Variants in NPAS2 observed in about 807,000 individuals in gnomAD.
The protein encoded by NPAS2 is neuronal PAS domain protein 2, also known as neuronal PAS domain-containing protein 2.
In NPAS2, 23 loss-of-function variants were observed where a neutral mutation model predicts 107.5. The ratio of observed to expected loss-of-function variants is 0.21; its 90% CI spans 0.15 to 0.30. NPAS2 has a LOEUF of 0.30. NPAS2 is among the 10% of genes least tolerant of loss of function. The pLI is 1.00. For synonymous variants in NPAS2, 403 were observed against 417.5 expected, an observed-to-expected ratio of 0.97 and a Z score of 0.42; for missense variants, 756 against 1,043.3, an observed-to-expected ratio of 0.72 and a Z score of 3.79.
chr2:100,924,242 T>A (rs1344390720), intron 2 of NPAS2, among the ~76,000 whole-genome samples: 1 of 152,180 alleles, frequency 6.6e-6, no homozygotes, highest in Non-Finnish European at 1.5e-5. Flanking sequence ...AAGCTTACAC[T>A]GATACATTGT....
chr2:100,904,813 G>A (rs1235102747), intron 2 of NPAS2, 27 bp downstream of exon 2: 2 of 1,571,594 alleles, frequency 1.3e-6, no homozygotes. Flanking sequence ...CCCCTGCTCA[G>A]CAGAGCTCTC....
Position 100,968,482 on chromosome 2 carries a change from G to A in NPAS2, c.1055+54G>A. On this transcript the variant is annotated intron_variant, in intron 11 of 20. Transcript: ENST00000335681. This position sits in a 1 kb window ranked among gnomAD's most constrained non-coding sequence, Gnocchi z 5.3. ...CGTCCTTGTCGCACCTGGGGGAGGG[G>A]TGCAGGATGGCGTGGCCCCTGATGG... is the stretch of plus-strand genomic sequence containing the variant. 1 of 1,580,074 alleles carries A rather than the reference G, an allele frequency of 6.3e-7. No individual in the cohort carries two copies. Among genetic ancestry groups the A allele is most frequent in the Non-Finnish European group, 8.6e-7 (1 of 1,157,588 alleles).
intron 14 of NPAS2, chr2:100,975,818 A>T: frequency 4.9e-6 from 2 of 405,672 alleles, no homozygotes; most frequent in Non-Finnish European, 8.8e-6. Context: ...GATTAAAGGC[A>T]AAACTGCAAA....
intron 1 of NPAS2, among the ~76,000 whole-genome samples, chr2:100,837,492 T>C (rs1434806369): frequency 2.0e-5 from 3 of 152,128 alleles, no homozygotes; most frequent in Non-Finnish European, 2.9e-5. Context: ...TTTGTATTTT[T>C]AGTAGAGACG....
chr2:100,894,338 C>G (rs1313749998), intron 1 of NPAS2, among the ~76,000 whole-genome samples: 1 of 152,222 alleles, frequency 6.6e-6, no homozygotes, highest in African/African-American at 2.4e-5. Context: ...TCCTCACAAC[C>G]TCACAATGGC....
At chr2:100,836,528 G>T (rs1034980135) in intron 1 of NPAS2, among the ~76,000 whole-genome samples, 11 of 152,186 alleles carry the variant, frequency 7.2e-5, no homozygotes, top group African/African-American at 2.4e-4. Context: ...GACAGTGGTG[G>T]TAGGGGAGGG....
chr2:100,878,639 T>G (rs1363507223), intron 1 of NPAS2: 1 of 985,178 alleles, frequency 1.0e-6, no homozygotes, highest in African/African-American at 1.7e-5. Flanking sequence ...TCAAGGTAAC[T>G]TTGCGGTTTT....
intron 10 of NPAS2, among the ~76,000 whole-genome samples, chr2:100,966,366 A>C (rs1676211991): frequency 6.6e-6 from 1 of 152,074 alleles, no homozygotes; most frequent in South Asian, 2.1e-4. Flanking sequence ...CACATTAGCA[A>C]ATGTATGGGG....
At chr2:100,921,714 A>G (rs761885113) in intron 2 of NPAS2, among the ~76,000 whole-genome samples, 2 of 152,222 alleles carry the variant, frequency 1.3e-5, no homozygotes, top group Non-Finnish European at 2.9e-5. Context: ...TCCAAGCCGC[A>G]GTAAGGTAAC....
intron 2 of NPAS2, among the ~76,000 whole-genome samples, chr2:100,918,236 A>G (rs1464806383): frequency 6.6e-6 from 1 of 152,100 alleles, no homozygotes; most frequent in East Asian, 1.9e-4. Flanking sequence ...ACATCTATTC[A>G]TGAAATAAAA....
chr2:100,929,245 C>T (rs1303951531), intron 3 of NPAS2, among the ~76,000 whole-genome samples: 1 of 152,190 alleles, frequency 6.6e-6, no homozygotes, highest in African/African-American at 2.4e-5. Flanking sequence ...ACAGATGAGA[C>T]ACACAAGGTC....
At chr2:100,848,606 G>A (rs1012605880) in intron 1 of NPAS2, among the ~76,000 whole-genome samples, 11 of 152,166 alleles carry the variant, frequency 7.2e-5, no homozygotes, top group Non-Finnish European at 1.6e-4. Context: ...GAATACATAC[G>A]TGCCATCATA....
intron 1 of NPAS2, among the ~76,000 whole-genome samples, chr2:100,852,571 C>A (rs1466373643): frequency 6.6e-6 from 1 of 152,062 alleles, no homozygotes; most frequent in East Asian, 1.9e-4. Flanking sequence ...GCACAGCATA[C>A]CCCATTTGGC....
At chr2:100,978,651 T>A (rs1335676014) in intron 15 of NPAS2, among the ~76,000 whole-genome samples, 1 of 152,156 alleles carries the variant, frequency 6.6e-6, no homozygotes, top group Non-Finnish European at 1.5e-5. Flanking sequence ...GTGTTAGGGA[T>A]GTAAAGATGT....
chr2:100,847,773 A>G (rs1677877212), intron 1 of NPAS2, among the ~76,000 whole-genome samples: 1 of 152,216 alleles, frequency 6.6e-6, no homozygotes, highest in African/African-American at 2.4e-5. Context: ...TAGCACGTTA[A>G]TGTTCTGTGT....
At chr2:100,844,268 C>T (rs768894277) in intron 1 of NPAS2, among the ~76,000 whole-genome samples, 5 of 152,144 alleles carry the variant, frequency 3.3e-5, no homozygotes, top group Non-Finnish European at 5.9e-5. Flanking sequence ...AGGGGAGGCT[C>T]GGGGCTCAGA....
At chr2:100,956,881 G>A (rs991294530) in intron 7 of NPAS2, among the ~76,000 whole-genome samples, 1 of 152,202 alleles carries the variant, frequency 6.6e-6, no homozygotes, top group Non-Finnish European at 1.5e-5. Flanking sequence ...GGGGAAGGGA[G>A]GAACAAAGCC....
At chr2:100,854,654 A>C (rs1678442359) in intron 1 of NPAS2, among the ~76,000 whole-genome samples, 2 of 152,250 alleles carry the variant, frequency 1.3e-5, no homozygotes, top group South Asian at 4.1e-4. Context: ...TTAGGAGGCC[A>C]GGGTCAGGTG....
intron 1 of NPAS2, among the ~76,000 whole-genome samples, chr2:100,828,662 C>G (rs1423097168): frequency 6.6e-6 from 1 of 152,238 alleles, no homozygotes; most frequent in East Asian, 1.9e-4. Context: ...AGTCCTTTCC[C>G]CATTGCTTAT....
Sources: allele counts gnomAD v4.1 joint callset (sites outside exome capture counted in the v4.1 genomes callset), GRCh38; gene constraint gnomAD v4.1.1; non-coding constraint Gnocchi (gnomAD v3.1); transcripts MANE v1.5; gene names NCBI Gene and HGNC (gene_info 2026-07-23, HGNC 2026-07-21).